ALDH1A3: variants seen among roughly 807,000 people sequenced by gnomAD.
ALDH1A3 encodes aldehyde dehydrogenase 1 family member A3.
ALDH1A3 carries 28 observed loss-of-function variants against 57.5 expected under a neutral mutation model. The ratio of observed to expected loss-of-function variants is 0.49; its 90% CI spans 0.36 to 0.67. The LOEUF is 0.67. Ranked by LOEUF, ALDH1A3 falls within the 30% of genes least tolerant of loss-of-function variation. The probability of loss-of-function intolerance (pLI) is 0.00; values close to 1 mark genes in which losing one functional copy is unlikely to be tolerated. For synonymous variants in ALDH1A3, 281 were observed against 264.8 expected (o/e 1.06, Z -0.59); for missense variants, 507 against 669.4 (o/e 0.76, Z 2.68).
intron 8 of ALDH1A3, among the ~76,000 whole-genome samples, chr15:100,899,835 C>T (rs1372740598): frequency 6.6e-6 from 1 of 152,246 alleles, no homozygotes; most frequent in Non-Finnish European, 1.5e-5. Context: ...GGAATTGGAA[C>T]GGATCACCTT....
rs2041921910 is a variant in ALDH1A3 at position 100,915,382 on chromosome 15, T to A, written c.*609T>A. The A allele has an allele frequency of 6.6e-6, 1 of 152,410 alleles. No homozygotes were observed. Among genetic ancestry groups the A allele is most frequent in the African/African-American group, 2.4e-5 (1 of 41,468 alleles). 9.4% of individuals were successfully genotyped at this position (152,410 alleles called of 1,614,324 possible). On this transcript the variant is annotated 3_prime_UTR_variant, in exon 13 of 13. Transcript: ENST00000329841. ...CCGTGGAAGGGCGCCAGGGTCTTTGTGGATTGCATGTTGACATTGACCGTG... is the reference window on the plus strand; with the variant it reads ...CCGTGGAAGGGCGCCAGGGTCTTTGAGGATTGCATGTTGACATTGACCGTG...
At chr15:100,896,977 G>A (rs1174211147) in intron 7 of ALDH1A3, among the ~76,000 whole-genome samples, 4 of 152,182 alleles carry the variant, frequency 2.6e-5, no homozygotes, top group Non-Finnish European at 5.9e-5. Context: ...GGGCAGAGCC[G>A]GAGGGAAGCT....
chr15:100,913,324 G>C (rs1166829330), intron 12 of ALDH1A3: 1 of 152,194 alleles, frequency 6.6e-6, no homozygotes, highest in African/African-American at 2.4e-5. Flanking sequence ...TCTGACACAG[G>C]TCTCCCTGAG....
chr15:100,901,723 G>T (rs1230236861), intron 9 of ALDH1A3, among the ~76,000 whole-genome samples: 1 of 152,214 alleles, frequency 6.6e-6, no homozygotes, highest in Non-Finnish European at 1.5e-5. Flanking sequence ...TTTTAAACAG[G>T]AGGAAGCTTT....
rs2041925753 is a variant in ALDH1A3, at chr15:100,915,856, C to T, written c.*1083C>T. The T allele has an allele frequency of 6.6e-6, 1 of 152,208 alleles. No individual in the cohort carries two copies. Among genetic ancestry groups the T allele is most frequent in the Non-Finnish European group, 1.5e-5 (1 of 68,036 alleles). 9.4% of individuals were successfully genotyped at this position (152,208 alleles called of 1,614,324 possible). On this transcript the variant is annotated 3_prime_UTR_variant, in exon 13 of 13. Coordinates refer to ENST00000329841, the MANE Select transcript of ALDH1A3 (RefSeq NM_000693.4). ...CCTGGATTCTATGGAGGACCTCGGT[C>T]TTCATCCAAGTGGCCTGAGTATTTC...
rs761987048 is a variant in ALDH1A3 at position 100,880,147 on chromosome 15, C to G, written c.99+141C>G. 1.3e-3 allele frequency: 663 copies of G among 505,680 alleles called. 3 individuals are homozygous for G. Among genetic ancestry groups the G allele is most frequent in the Non-Finnish European group, 1.8e-3 (600 of 325,948 alleles). The allele number at this position is 505,680 out of a possible 1,614,324, so 31.3% of individuals were successfully genotyped here. ...CCCGAGCCTCCCTGCCCGGGCGCGG[C>G]TCTCCAGAAACCGCACCTTTCGCGG... is the stretch of plus-strand genomic sequence containing the variant. On this transcript the variant is annotated intron_variant, in intron 1 of 12. Transcript: ENST00000329841.
At chr15:100,900,194 G>A (rs1264961378) in intron 8 of ALDH1A3, among the ~76,000 whole-genome samples, 3 of 152,168 alleles carry the variant, frequency 2.0e-5, no homozygotes, top group Non-Finnish European at 4.4e-5. Flanking sequence ...TCTCGCCAGG[G>A]GGCCTACATC....
intron 9 of ALDH1A3, 137 bp from the exon 10 acceptor site, chr15:100,905,386 A>T: frequency 9.1e-7 from 1 of 1,095,502 alleles, no homozygotes; most frequent in Non-Finnish European, 1.3e-6. Flanking sequence ...TGCAAGGCTC[A>T]TTAGTTACAT....
intron 11 of ALDH1A3, 121 bp from the exon 12 acceptor site, chr15:100,908,287 G>T (rs1018833349): frequency 7.7e-6 from 6 of 775,920 alleles, no homozygotes; most frequent in South Asian, 7.1e-5. Context: ...TTTCATCAAG[G>T]AAGCTTTGGC....
rs563737845 is a variant in ALDH1A3, at chr15:100,896,032, A to G, written c.766A>G (p.Thr256Ala). Residue 256 changes from threonine (T) to alanine (A), a missense_variant, in exon 7 of 13, where the codon ACC becomes GCC. Thr to Ala is a moderately conservative substitution (Grantham distance 58). This residue lies in a region of ALDH1A3 where 432 missense variants were observed against 608.4 expected (regional missense o/e 0.71). Transcript: ENST00000329841. ...CCCTCAGATCAACAAGATCGCCTTCACCGGCTCCACAGAGGTAACCCTCCT... is the reference window on the plus strand; with the variant it reads ...CCCTCAGATCAACAAGATCGCCTTCGCCGGCTCCACAGAGGTAACCCTCCT... The part of the protein sequence containing the change: ...SHPQINKIAF[T>A]GSTEVGKLVK... 1 of 1,610,346 alleles carries G rather than the reference A, an allele frequency of 6.2e-7. No individual in the cohort carries two copies. Among genetic ancestry groups the G allele is most frequent in the African/African-American group, 1.3e-5 (1 of 74,922 alleles).
chr15:100,903,980 C>A (rs1264850609), intron 9 of ALDH1A3, among the ~76,000 whole-genome samples: 1 of 152,168 alleles, frequency 6.6e-6, no homozygotes, highest in Admixed American at 6.5e-5. Context: ...TGCCCCCACC[C>A]CATTTTTTTT....
chr15:100,885,188 G>A (rs754746450), intron 1 of ALDH1A3, 79 bp from the exon 2 acceptor site: 29 of 989,442 alleles, frequency 2.9e-5, no homozygotes, highest in South Asian at 1.6e-4. Context: ...TGGATAAGAC[G>A]TCACCTAAGG....
chr15:100,903,027 C>A (rs185676425), intron 9 of ALDH1A3, among the ~76,000 whole-genome samples: 3 of 152,306 alleles, frequency 2.0e-5, no homozygotes, highest in East Asian at 1.9e-4. Context: ...GTTGAGAGAA[C>A]CTTGAGCTCT....
rs556520421 is a variant in ALDH1A3 at position 100,892,426 on chromosome 15, C to G, written c.346-84C>G. On this transcript the variant is annotated intron_variant, in intron 3 of 12. Coordinates refer to ENST00000329841, the MANE Select transcript of ALDH1A3 (RefSeq NM_000693.4). Reference sequence around the variant, plus strand: ...GAGCAATGTCCTAGGACTGTGTTCTCTCCCCAACTTCCATCTTTAACAACC... The same window carrying G: ...GAGCAATGTCCTAGGACTGTGTTCTGTCCCCAACTTCCATCTTTAACAACC... The G allele has an allele frequency of 1.1e-5, 18 of 1,588,770 alleles. No individual in the cohort carries two copies. The East Asian group carries it at 2.0e-4, about 18-fold the overall frequency.
intron 11 of ALDH1A3, among the ~76,000 whole-genome samples, chr15:100,908,124 CAGG>C (rs2041844662): frequency 2.0e-5 from 3 of 152,144 alleles, no homozygotes; most frequent in African/African-American, 4.8e-5. Flanking sequence ...GCTGGGATTA[CAGG>C]CATAAGTCAT....
At position 100,907,128 on chromosome 15, in the gene ALDH1A3, G is replaced by C. The variant is rs1256486119; in HGVS notation, c.1241G>C (p.Gly414Ala). 6 of 1,612,090 alleles carry C rather than the reference G, an allele frequency of 3.7e-6. No homozygotes were observed. Among genetic ancestry groups the C allele is most frequent in the Non-Finnish European group, 5.1e-6 (6 of 1,178,920 alleles). ...NMRIAKEEIF[G>A]PVQPILKFKS... ...TCTTGCAATTAATCATAGATTTTCGGGCCAGTGCAACCAATACTGAAGTTC... is the reference window on the plus strand; with the variant it reads ...TCTTGCAATTAATCATAGATTTTCGCGCCAGTGCAACCAATACTGAAGTTC... Residue 414 changes from glycine to alanine, a missense_variant, in exon 11 of 13, where the codon GGG (glycine) becomes GCG (alanine). This residue lies in a region of ALDH1A3 where 432 missense variants were observed against 608.4 expected (regional missense o/e 0.71). Coordinates refer to ENST00000329841, the MANE Select transcript of ALDH1A3 (RefSeq NM_000693.4).
Position 100,905,626 on chromosome 15 carries a change from T to A in ALDH1A3, c.1172T>A (p.Leu391His). ...CGGSAMEDKG[L>H]FIKPTVFSEV... ...GGCTCAGCCATGGAAGACAAGGGGC[T>A]CTTCATCAAACCCACTGTCTTCTCA... Residue 391 changes from leucine to histidine, a missense_variant, in exon 10 of 13, where the codon CTC (leucine) becomes CAC (histidine). Leu to His is a moderately conservative substitution (Grantham distance 99). This residue lies in a region of ALDH1A3 where 432 missense variants were observed against 608.4 expected (regional missense o/e 0.71). Coordinates refer to ENST00000329841, the MANE Select transcript of ALDH1A3 (RefSeq NM_000693.4). 6.2e-7 allele frequency: 1 copy of A among 1,612,498 alleles called. No homozygotes were observed. Among genetic ancestry groups the A allele is most frequent in the African/African-American group, 1.3e-5 (1 of 74,936 alleles).
At chr15:100,895,238 C>CA (rs2041688255) in intron 6 of ALDH1A3, 1 of 151,892 alleles carries the variant, frequency 6.6e-6, no homozygotes, top group Non-Finnish European at 1.5e-5. Context: ...ATCACGAGGT[C>CA]AGGAGATCGA....
intron 6 of ALDH1A3, chr15:100,895,020 T>C (rs991874041): frequency 2.6e-5 from 4 of 152,124 alleles, no homozygotes; most frequent in African/African-American, 9.7e-5. Flanking sequence ...AGGCTTAGTA[T>C]ATGAAAAACA....
Sources: gnomAD v4.1 joint callset for allele counts (sites outside exome capture counted in the v4.1 genomes callset) on GRCh38, gnomAD v4.1.1 for gene constraint, gnomAD v4.1.1 regional missense constraint, MANE v1.5 for transcripts, NCBI Gene and HGNC (gene_info 2026-07-23, HGNC 2026-07-21) for gene names.